The following ZNF606 variants were observed in gnomAD, a reference collection of about 807,000 sequenced individuals.
ZNF606 encodes the protein zinc finger protein 328.
Under a neutral mutation model 74.9 loss-of-function variants are expected in ZNF606, and 37 were observed. The observed-to-expected ratio is 0.49, with a 90% CI of 0.38 to 0.65. The LOEUF (loss-of-function observed/expected upper bound fraction) is 0.65. Among genes scored for constraint, ZNF606 ranks in the 30% least tolerant of loss-of-function variants. The probability of loss-of-function intolerance (pLI) is 0.00; values close to 1 mark genes in which losing one functional copy is unlikely to be tolerated. For synonymous variants in ZNF606, 328 were observed against 312.4 expected (o/e 1.05, Z -0.53); for missense variants, 852 against 952.9 (o/e 0.89, Z 1.39).
chr19:57,993,409 T>C (rs945609411), intron 4 of ZNF606, among the ~76,000 whole-genome samples: 2 of 152,068 alleles, frequency 1.3e-5, no homozygotes, highest in East Asian at 1.9e-4. Context: ...CGTCAGCACC[T>C]TGAATTCCAC....
At chr19:57,985,916 A>G (rs946282188) in intron 6 of ZNF606, among the ~76,000 whole-genome samples, 2 of 152,092 alleles carry the variant, frequency 1.3e-5, no homozygotes, top group Non-Finnish European at 2.9e-5. Flanking sequence ...CCTGGGCGAC[A>G]GAGCAAGAGT....
Position 57,978,192 on chromosome 19 carries a change from G to A in ZNF606, c.*109C>T. 2 of 1,087,656 alleles carry A rather than the reference G, an allele frequency of 1.8e-6. No homozygotes were observed. The highest frequency in any genetic ancestry group is 3.0e-5 in the Admixed American group (1 of 33,606). 67.4% of individuals were successfully genotyped at this position (1,087,656 alleles called of 1,614,324 possible). A position where few individuals can be genotyped will look rare whatever the true frequency, so the allele number is the denominator to read the frequency against. ...ATGATATTTTCTAGTAAATAATGTG[G>A]GAGAAGTCTTACTGAACTCTTAATG... On this transcript the variant is annotated 3_prime_UTR_variant, in exon 7 of 7. Coordinates refer to ENST00000551380, the MANE Select transcript of ZNF606 (RefSeq NM_001348022.3). This position sits in a 1 kb window ranked among gnomAD's most constrained non-coding sequence, Gnocchi z 4.4.
chr19:57,988,800 C>A (rs1236561242), intron 4 of ZNF606, 79 bp from the exon 5 acceptor site: 10 of 1,601,840 alleles, frequency 6.2e-6, no homozygotes, highest in Non-Finnish European at 4.3e-6. Context: ...GGCTGACAGC[C>A]CTGGGGAGAG....
chr19:57,983,515 T>C (rs529352701), intron 6 of ZNF606, among the ~76,000 whole-genome samples: 24 of 149,886 alleles, frequency 1.6e-4, no homozygotes, highest in Non-Finnish European at 3.1e-4. Flanking sequence ...GAGGTGGAGG[T>C]TGCAGTGAGC....
intron 4 of ZNF606, chr19:57,997,496 T>C (rs1464921672): frequency 6.6e-6 from 1 of 152,170 alleles, no homozygotes; most frequent in Non-Finnish European, 1.5e-5. Flanking sequence ...TCTCACTTAG[T>C]TAAAAACACA....
At chr19:58,002,184 C>G (rs558094777) in intron 1 of ZNF606, 20 of 456,816 alleles carry the variant, frequency 4.4e-5, no homozygotes, top group Middle Eastern at 3.3e-4. Flanking sequence ...TTAAGGGAAC[C>G]CGGAGCTGTT....
chr19:58,000,166 G>A, intron 3 of ZNF606: 3 of 505,502 alleles, frequency 5.9e-6, no homozygotes, highest in Non-Finnish European at 1.1e-5. Flanking sequence ...AACCCTAAAC[G>A]GCCACACATG....
intron 3 of ZNF606, 71 bp from the exon 4 acceptor site, chr19:57,999,967 GA>G: frequency 1.4e-6 from 2 of 1,427,486 alleles, no homozygotes; most frequent in Non-Finnish European, 1.9e-6. Flanking sequence ...CTGGGGGGCT[GA>G]GAACCAGCCC....
chr19:57,991,289 A>G (rs2073255390), intron 4 of ZNF606, among the ~76,000 whole-genome samples: 2 of 152,086 alleles, frequency 1.3e-5, no homozygotes, highest in African/African-American at 4.8e-5. Flanking sequence ...GATCTCCCCA[A>G]TGTCTTGTGA....
At chr19:57,988,937 A>G (rs1042277959) in intron 4 of ZNF606, among the ~76,000 whole-genome samples, 2 of 152,224 alleles carry the variant, frequency 1.3e-5, no homozygotes, top group Non-Finnish European at 2.9e-5. Flanking sequence ...ACCTGGGTCC[A>G]CAATAACCAC....
intron 4 of ZNF606, among the ~76,000 whole-genome samples, chr19:57,991,809 A>AAATAAATAAATAAATC (rs2073266164): frequency 6.6e-6 from 1 of 150,656 alleles, no homozygotes; most frequent in African/African-American, 2.5e-5. Context: ...ATAAATAAAT[A>AAATAAATAAATAAATC]AATGTAATAT....
chr19:57,990,904 C>T (rs2073248338), intron 4 of ZNF606, among the ~76,000 whole-genome samples: 1 of 152,166 alleles, frequency 6.6e-6, no homozygotes, highest in Non-Finnish European at 1.5e-5. Flanking sequence ...CCAGGCTCAG[C>T]CTTACTGTGC....
At chr19:57,994,057 A>G (rs527488718) in intron 4 of ZNF606, among the ~76,000 whole-genome samples, 1 of 152,380 alleles carries the variant, frequency 6.6e-6, no homozygotes, top group South Asian at 2.1e-4. Context: ...GACAACAGCC[A>G]CATTCAACTT....
At chr19:57,981,496 T>C (rs1269316541) in intron 6 of ZNF606, among the ~76,000 whole-genome samples, 5 of 152,108 alleles carry the variant, frequency 3.3e-5, no homozygotes, top group African/African-American at 9.7e-5. Context: ...AAAAGTTAGG[T>C]AGATGAGCAC....
chr19:57,978,718 G>A lies in ZNF606; in HGVS notation c.1962C>T (p.Cys654=). 1 of 1,614,116 alleles carries A rather than the reference G, an allele frequency of 6.2e-7. No homozygotes were observed. The highest frequency in any genetic ancestry group is 8.5e-7 in the Non-Finnish European group (1 of 1,180,022). Reference sequence around the variant, plus strand: ...GACTGAAGGATTTTCCACATTTATTGCATTCATAGGGTTTTTCTCCAGTAT... The same window carrying A: ...GACTGAAGGATTTTCCACATTTATTACATTCATAGGGTTTTTCTCCAGTAT... The part of the protein sequence containing the change: ...RTHTGEKPYE[C]NKCGKSFSQS... Residue 654 remains cysteine (C), a synonymous_variant, in exon 7 of 7, where the codon TGC becomes TGT. Transcript: ENST00000551380. This position sits in a 1 kb window ranked among gnomAD's most constrained non-coding sequence, Gnocchi z 4.4.
At chr19:58,002,901 G>A (rs552826372), upstream of ZNF606, 6 of 443,620 alleles carry the variant, frequency 1.4e-5, no homozygotes, top group African/African-American at 1.2e-4. Context: ...GCCATGACAG[G>A]TTCCTGGGCC....
chr19:58,000,447 G>A (rs1329932679), intron 3 of ZNF606: 22 of 610,010 alleles, frequency 3.6e-5, no homozygotes, highest in South Asian at 9.6e-5. Context: ...GGATGGTCTC[G>A]ATCTCCTGAC....
intron 6 of ZNF606, among the ~76,000 whole-genome samples, chr19:57,984,281 C>A (rs1397748576): frequency 6.6e-6 from 1 of 152,178 alleles, no homozygotes; most frequent in African/African-American, 2.4e-5. Context: ...CGGCTGTGAT[C>A]AAGGAGACAG....
At chr19:57,994,476 T>A (rs2073305630) in intron 4 of ZNF606, among the ~76,000 whole-genome samples, 1 of 152,184 alleles carries the variant, frequency 6.6e-6, no homozygotes. Flanking sequence ...GACAAAAACA[T>A]ACCAACATTC....
Sources: gnomAD v4.1 joint callset for allele counts (sites outside exome capture counted in the v4.1 genomes callset) on GRCh38, gnomAD v4.1.1 for gene constraint, Gnocchi (gnomAD v3.1) non-coding constraint, MANE v1.5 for transcripts, NCBI Gene and HGNC (gene_info 2026-07-23, HGNC 2026-07-21) for gene names.